Variants in ARHGEF3 observed in about 807,000 individuals in gnomAD.
ARHGEF3 encodes the protein 59.8 kDA protein.
ARHGEF3 carries 28 observed loss-of-function variants against 63.2 expected under a neutral mutation model. The observed-to-expected ratio is 0.44, with a 90% CI of 0.33 to 0.61. The LOEUF is 0.61. Ranked by LOEUF, ARHGEF3 falls within the 20% of genes least tolerant of loss-of-function variation. The pLI is 0.03. For synonymous variants in ARHGEF3, 266 were observed against 254.2 expected, an observed-to-expected ratio of 1.05 and a Z score of -0.44; for missense variants, 533 against 659.3, an observed-to-expected ratio of 0.81 and a Z score of 2.10.
intron 3 of ARHGEF3, among the ~76,000 whole-genome samples, chr3:56,893,760 C>T (rs886682380): frequency 1.5e-5 from 2 of 134,444 alleles, no homozygotes; most frequent in Admixed American, 8.4e-5. Flanking sequence ...GAGCCGAGAT[C>T]GCACCACTGC....
chr3:57,002,781 T>C (rs1702307452), intron 2 of ARHGEF3, among the ~76,000 whole-genome samples: 1 of 147,700 alleles, frequency 6.8e-6, no homozygotes, highest in Non-Finnish European at 1.5e-5. Context: ...TCTTTTCTTT[T>C]TTTTTTTTTT....
intron 1 of ARHGEF3, among the ~76,000 whole-genome samples, chr3:56,780,248 T>C (rs969552268): frequency 7.9e-5 from 12 of 152,252 alleles, no homozygotes; most frequent in African/African-American, 2.4e-4. Flanking sequence ...CAAATTGGTA[T>C]GTTTTTGCTA....
intron 4 of ARHGEF3, among the ~76,000 whole-genome samples, chr3:56,872,876 C>T (rs2040475464): frequency 6.6e-6 from 1 of 152,182 alleles, no homozygotes; most frequent in Middle Eastern, 3.4e-3. Flanking sequence ...TAACAAAGAC[C>T]CTTGAACTTA....
chr3:56,808,712 A>G (rs2037957149), intron 4 of ARHGEF3, among the ~76,000 whole-genome samples: 1 of 152,208 alleles, frequency 6.6e-6, no homozygotes, highest in African/African-American at 2.4e-5. Context: ...AACATTTGCT[A>G]GCCTCTGGTT....
At chr3:56,752,184 G>A (rs2034806109) in intron 4 of ARHGEF3, among the ~76,000 whole-genome samples, 1 of 150,860 alleles carries the variant, frequency 6.6e-6, no homozygotes, top group Non-Finnish European at 1.5e-5. Context: ...GCCTCCCAAA[G>A]TGCTGGGATT....
chr3:56,732,287 T>A lies in ARHGEF3; in HGVS notation c.1179A>T (p.Glu393Asp). 1 of 1,614,166 alleles carries A rather than the reference T, an allele frequency of 6.2e-7. No individual in the cohort carries two copies. Among genetic ancestry groups the A allele is most frequent in the South Asian group, 1.1e-5 (1 of 91,082 alleles). Reference sequence around the variant, plus strand: ...CTCGCAGGGAGCCACCCAGCCTCACTTCTCCATCCTGGAGGTCTTCCAGCA... The same window carrying A: ...CTCGCAGGGAGCCACCCAGCCTCACATCTCCATCCTGGAGGTCTTCCAGCA... ...DLLLEDLQDGEVRLGGSLRGA... is the reference protein window; with the variant it reads ...DLLLEDLQDGDVRLGGSLRGA... The change falls in exon 9 of 10, where the codon GAA becomes GAT. Residue 393 changes from glutamate (E) to aspartate (D), a missense_variant. Around this residue, in one of 4 missense-constraint regions of ARHGEF3, gnomAD observed 151 missense variants for 190.7 expected, o/e 0.79. Coordinates refer to ENST00000296315, the MANE Select transcript of ARHGEF3 (RefSeq NM_019555.3).
intron 3 of ARHGEF3, among the ~76,000 whole-genome samples, chr3:56,921,680 C>A (rs1207064233): frequency 1.3e-5 from 2 of 152,196 alleles, no homozygotes; most frequent in African/African-American, 2.4e-5. Context: ...AGGCCAAGGC[C>A]TATTGGACTC....
intron 3 of ARHGEF3, among the ~76,000 whole-genome samples, chr3:56,923,075 T>TATATATATATATATATAA (rs1560053971): frequency 1.6e-5 from 2 of 127,692 alleles, no homozygotes; most frequent in Non-Finnish European, 1.6e-5. Flanking sequence ...TATATATATA[T>TATATATATATATATATAA]AAATTAGTTG....
intron 3 of ARHGEF3, among the ~76,000 whole-genome samples, chr3:56,907,738 C>T (rs2041733745): frequency 6.6e-6 from 1 of 152,110 alleles, no homozygotes; most frequent in Admixed American, 6.5e-5. Context: ...AAGCTGGAGG[C>T]CATTATCCTT....
intron 1 of ARHGEF3, among the ~76,000 whole-genome samples, chr3:57,072,658 C>T (rs1328362002): frequency 6.7e-6 from 1 of 148,674 alleles, no homozygotes; most frequent in Non-Finnish European, 1.5e-5. Flanking sequence ...ATGAGAATCA[C>T]GTGAACCCGG....
intron 4 of ARHGEF3, among the ~76,000 whole-genome samples, chr3:56,839,933 G>A (rs1343625107): frequency 6.6e-6 from 1 of 152,082 alleles, no homozygotes; most frequent in African/African-American, 2.4e-5. Context: ...CTCGAGCCCG[G>A]ACACGTTTCA....
At chr3:56,970,313 G>A (rs1216420372) in intron 2 of ARHGEF3, among the ~76,000 whole-genome samples, 1 of 152,052 alleles carries the variant, frequency 6.6e-6, no homozygotes, top group Non-Finnish European at 1.5e-5. Flanking sequence ...ATATTTAATG[G>A]AAAAAATCCA....
chr3:57,040,305 A>G (rs944191654), intron 1 of ARHGEF3, among the ~76,000 whole-genome samples: 5 of 150,070 alleles, frequency 3.3e-5, no homozygotes, highest in Non-Finnish European at 7.5e-5. Flanking sequence ...GTGAAACCCC[A>G]TCTCTACTAA....
At chr3:56,892,408 T>C (rs1042683389) in intron 3 of ARHGEF3, among the ~76,000 whole-genome samples, 2 of 152,218 alleles carry the variant, frequency 1.3e-5, no homozygotes, top group Non-Finnish European at 2.9e-5. Context: ...TATTTTCTAC[T>C]GGTTCTCAGG....
At chr3:56,974,349 A>G (rs902656806) in intron 2 of ARHGEF3, among the ~76,000 whole-genome samples, 1 of 152,220 alleles carries the variant, frequency 6.6e-6, no homozygotes, top group African/African-American at 2.4e-5. Context: ...TAAAGAAACT[A>G]AAATTAATAC....
chr3:56,994,609 A>G (rs1002133573), intron 2 of ARHGEF3, among the ~76,000 whole-genome samples: 2 of 151,570 alleles, frequency 1.3e-5, no homozygotes, highest in Non-Finnish European at 2.9e-5. Context: ...TTTTTCCATT[A>G]CCATATGCCT....
At chr3:57,046,979 A>G (rs775538731) in intron 1 of ARHGEF3, among the ~76,000 whole-genome samples, 1 of 152,268 alleles carries the variant, frequency 6.6e-6, no homozygotes, top group African/African-American at 2.4e-5. Context: ...ACAAGATTTT[A>G]CATAAGCTAT....
intron 2 of ARHGEF3, among the ~76,000 whole-genome samples, chr3:56,995,640 AG>A (rs1413212005): frequency 1.0e-5 from 1 of 99,730 alleles, no homozygotes; most frequent in Non-Finnish European, 2.1e-5. Flanking sequence ...AGAGAGAGAG[AG>A]AGAGAGAGAG....
intron 2 of ARHGEF3, among the ~76,000 whole-genome samples, chr3:56,994,079 A>AAAAAAAAAAAAAAAAAAAAAAAAAC (rs1159552674): frequency 6.7e-6 from 1 of 148,222 alleles, no homozygotes; most frequent in Non-Finnish European, 1.5e-5. Context: ...AAAAAAAAAA[A>AAAAAAAAAAAAAAAAAAAAAAAAAC]AAAAAAGCAC....
Sources: gnomAD v4.1 joint callset for allele counts (sites outside exome capture counted in the v4.1 genomes callset) on GRCh38, gnomAD v4.1.1 for gene constraint, gnomAD v4.1.1 regional missense constraint, MANE v1.5 for transcripts, NCBI Gene and HGNC (gene_info 2026-07-23, HGNC 2026-07-21) for gene names.